The following RPGR variants were observed in gnomAD, a reference collection of about 807,000 sequenced individuals.
RPGR encodes X-linked retinitis pigmentosa GTPase regulator.
A neutral mutation model predicts 56.3 loss-of-function variants in RPGR; 10 were observed. That is an observed-to-expected ratio of 0.18 (90% CI 0.11 to 0.30). The LOEUF (loss-of-function observed/expected upper bound fraction) is 0.30, where lower values mean the gene tolerates loss of function less well. RPGR is among the 10% of genes least tolerant of loss of function. RPGR has a pLI of 1.00. For missense variants in RPGR, 538 were observed against 590.9 expected, an observed-to-expected ratio of 0.91 and a Z score of 0.93; for synonymous variants, 197 against 212.9, an observed-to-expected ratio of 0.93 and a Z score of 0.65.
At position 38,286,662 on chromosome X, in the gene RPGR, TTCC is replaced by T. The variant is rs201730068; in HGVS notation, c.1905+429_1905+431del. ...CTCCTTTCTCCTCCTTCCCCGCTCT[TTCC>T]TCCTTTTTCCTCTCTCCTTCCTCCT... On this transcript the variant is annotated intron_variant, in intron 15 of 18. Transcript: ENST00000642395. The T allele has an allele frequency of 1.9e-3, 2,156 of 1,123,100 alleles. 35 individuals carry two copies. In the African/African-American group the frequency reaches 0.038, roughly 20 times the overall value. The allele number at this position is 1,123,100 out of a possible 1,213,427, so 92.6% of individuals were successfully genotyped here. A position where few individuals can be genotyped will look rare whatever the true frequency, so the allele number is the denominator to read the frequency against.
At chrX:38,316,660 C>T (rs2067833473) in intron 6 of RPGR, among the ~76,000 whole-genome samples, 1 of 111,120 alleles carries the variant, frequency 9.0e-6, no homozygotes, top group South Asian at 3.8e-4. Flanking sequence ...GTTCAAGACA[C>T]CAGGGATGCA....
intron 5 of RPGR, 69 bp from the exon 6 acceptor site, chrX:38,317,534 C>A (rs1488412486): frequency 1.1e-6 from 1 of 919,880 alleles, no homozygotes; most frequent in Non-Finnish European, 1.5e-6. Context: ...TATTATACTT[C>A]CAAAAGACCA....
At chrX:38,292,449 T>C (rs923180135) in intron 11 of RPGR, among the ~76,000 whole-genome samples, 5 of 111,765 alleles carry the variant, frequency 4.5e-5, no homozygotes, top group Admixed American at 9.5e-5. Context: ...TATGCCCTCA[T>C]TGATCACCAA....
At chrX:38,305,244 T>C (rs1292803511) in intron 7 of RPGR, among the ~76,000 whole-genome samples, 2 of 110,762 alleles carry the variant, frequency 1.8e-5, no homozygotes, top group African/African-American at 6.6e-5. Context: ...TGAAACCCCA[T>C]CTCTACTAAA....
At chrX:38,315,784 C>T (rs1224936910) in intron 6 of RPGR, among the ~76,000 whole-genome samples, 1 of 103,259 alleles carries the variant, frequency 9.7e-6, no homozygotes, top group African/African-American at 3.6e-5. Flanking sequence ...CCATCACATG[C>T]CTGCATAAAA....
chrX:38,292,954 G>A (rs1043156729), intron 11 of RPGR, among the ~76,000 whole-genome samples: 1 of 111,773 alleles, frequency 8.9e-6, no homozygotes, highest in Non-Finnish European at 1.9e-5. Context: ...AGCTTGTCTT[G>A]AAGGCTTACC....
intron 1 of RPGR, among the ~76,000 whole-genome samples, chrX:38,326,190 G>A (rs1255183592): frequency 2.7e-5 from 3 of 111,734 alleles, no homozygotes; most frequent in Admixed American, 9.5e-5. Flanking sequence ...CCAAGGTTTG[G>A]TGGCTCTGCT....
chrX:38,271,961 A>G (rs1401681768), intron 18 of RPGR, among the ~76,000 whole-genome samples: 1 of 112,432 alleles, frequency 8.9e-6, no homozygotes, highest in Non-Finnish European at 1.9e-5. Context: ...TTGATTTGAA[A>G]AAGAACAAAA....
chrX:38,295,016 T>G (rs760562118), intron 11 of RPGR, among the ~76,000 whole-genome samples: 1 of 112,295 alleles, frequency 8.9e-6, no homozygotes, highest in South Asian at 3.7e-4. Flanking sequence ...ATCAGTCTAC[T>G]GCTTAAAATC....
chrX:38,274,325 C>G (rs72619448), intron 17 of RPGR, among the ~76,000 whole-genome samples: 16,106 of 111,101 alleles, frequency 0.14, 1,135 homozygotes, highest in East Asian at 0.57. Flanking sequence ...TACGGTAAGA[C>G]ACTCAGGTCT....
intron 6 of RPGR, among the ~76,000 whole-genome samples, chrX:38,314,995 T>C (rs936770934): frequency 2.7e-5 from 3 of 111,261 alleles, no homozygotes; most frequent in African/African-American, 9.8e-5. Context: ...ATAGCCAAGA[T>C]TTGGAAGCAA....
At chrX:38,286,691 T>C in intron 15 of RPGR, 11 of 1,132,479 alleles carry the variant, frequency 9.7e-6, no homozygotes, top group Non-Finnish European at 1.3e-5. Context: ...CCTTCCTCCT[T>C]TTCACGTTCT....
At chrX:38,272,968 TA>T (rs5902180) in intron 18 of RPGR, among the ~76,000 whole-genome samples, 3,501 of 111,868 alleles carry the variant, frequency 0.031, 147 homozygotes, top group African/African-American at 0.11. Flanking sequence ...TTTGTGATGT[TA>T]AAAAATTTTA....
chrX:38,276,828 G>T, intron 15 of RPGR: 1 of 942,838 alleles, frequency 1.1e-6, no homozygotes, highest in Non-Finnish European at 1.5e-6. Flanking sequence ...AAAAACGAGG[G>T]ATTTGATATT....
intron 15 of RPGR, among the ~76,000 whole-genome samples, chrX:38,279,410 T>A (rs1029006586): frequency 1.8e-5 from 2 of 111,471 alleles, no homozygotes; most frequent in African/African-American, 6.5e-5. Context: ...AGGTGCAGAC[T>A]CTGGTCTGGC....
chrX:38,299,927 T>G lies in RPGR; in HGVS notation c.1060-786A>C, dbSNP rs138649969. ...AGGTCCTGGTTATTTCGTTCATCAC[T>G]GTATACAATACTTTGTATTTCTTTT... On this transcript the variant is annotated intron_variant, in intron 9 of 18. Coordinates refer to ENST00000642395, the MANE Select transcript of RPGR (RefSeq NM_000328.3). Among the ~76,000 whole-genome samples, 13 of 111,656 alleles carry G rather than the reference T, an allele frequency of 1.2e-4. No homozygotes were observed. In the Admixed American group the frequency reaches 1.2e-3, roughly 11 times the overall value.
chrX:38,285,333 C>T (rs1263306074), intron 15 of RPGR: 16 of 1,062,816 alleles, frequency 1.5e-5, no homozygotes, highest in South Asian at 2.7e-5. Flanking sequence ...GGGAAATACA[C>T]GAAAATTTTA....
chrX:38,314,961 A>T (rs2067790469), intron 6 of RPGR, among the ~76,000 whole-genome samples: 1 of 111,816 alleles, frequency 8.9e-6, no homozygotes, highest in Non-Finnish European at 1.9e-5. Flanking sequence ...CTGCACTCCC[A>T]TGTTTGTTGC....
chrX:38,297,969 A>C (rs147917235), intron 10 of RPGR, among the ~76,000 whole-genome samples: 2,234 of 112,082 alleles, frequency 0.02, 38 homozygotes, highest in Middle Eastern at 0.055. Context: ...TACTTTAAAA[A>C]ACAGGTATGT....
Sources: allele counts gnomAD v4.1 joint callset (sites outside exome capture counted in the v4.1 genomes callset), GRCh38; gene constraint gnomAD v4.1.1; transcripts MANE v1.5; gene names NCBI Gene and HGNC (gene_info 2026-07-23, HGNC 2026-07-21).